SMOC2: variants seen among roughly 807,000 people sequenced by gnomAD.
SMOC2 encodes SPARC-related modular calcium-binding protein 2.
SMOC2 carries 39 observed loss-of-function variants against 61.4 expected under a neutral mutation model. The observed-to-expected ratio is 0.64, with a 90% CI of 0.49 to 0.83. The LOEUF (loss-of-function observed/expected upper bound fraction) is 0.83. Among genes scored for constraint, SMOC2 ranks in the 40% least tolerant of loss-of-function variants. SMOC2 has a pLI of 0.00. For synonymous variants in SMOC2, 247 were observed against 239.9 expected (o/e 1.03, Z -0.27); for missense variants, 556 against 592.9 (o/e 0.94, Z 0.65).
chr6:168,641,052 C>CT (rs35555796), intron 9 of SMOC2, among the ~76,000 whole-genome samples: 2 of 151,538 alleles, frequency 1.3e-5, no homozygotes, highest in Non-Finnish European at 2.9e-5. Flanking sequence ...ATGTTCCAAA[C>CT]TTTTTTTTTC....
intron 8 of SMOC2, among the ~76,000 whole-genome samples, chr6:168,606,187 A>T (rs977933621): frequency 6.6e-6 from 1 of 152,180 alleles, no homozygotes; most frequent in East Asian, 1.9e-4. Flanking sequence ...CCGCAGCAGC[A>T]GCTGCATTAG....
At chr6:168,454,446 C>T (rs1781535743) in intron 1 of SMOC2, among the ~76,000 whole-genome samples, 2 of 152,036 alleles carry the variant, frequency 1.3e-5, no homozygotes, top group South Asian at 4.2e-4. Flanking sequence ...TGAAAATAGC[C>T]CCTCGTAACT....
intron 7 of SMOC2, among the ~76,000 whole-genome samples, chr6:168,580,934 T>C (rs1205228426): frequency 6.6e-6 from 1 of 152,228 alleles, no homozygotes; most frequent in African/African-American, 2.4e-5. Context: ...CGTGTAAATG[T>C]GATGGCAAGC....
chr6:168,470,064 C>A (rs1189393770), intron 1 of SMOC2, among the ~76,000 whole-genome samples: 1 of 152,226 alleles, frequency 6.6e-6, no homozygotes, highest in Non-Finnish European at 1.5e-5. Flanking sequence ...ATCTCCATCA[C>A]AATTGCCCAC....
intron 1 of SMOC2, among the ~76,000 whole-genome samples, chr6:168,468,921 C>T (rs1374479344): frequency 6.6e-6 from 1 of 152,218 alleles, no homozygotes; most frequent in African/African-American, 2.4e-5. Flanking sequence ...GCAGTTTTAT[C>T]CATAATTCTG....
At chr6:168,507,341 C>T (rs918418053) in intron 1 of SMOC2, among the ~76,000 whole-genome samples, 7 of 152,190 alleles carry the variant, frequency 4.6e-5, no homozygotes, top group Middle Eastern at 3.2e-3. Context: ...AACGAAGGCA[C>T]CTGGGGCTCC....
chr6:168,665,196 C>T (rs1002406591), intron 12 of SMOC2: 1 of 165,774 alleles, frequency 6.0e-6, no homozygotes, highest in African/African-American at 2.4e-5. Context: ...ATGCGCTCCA[C>T]GCATCTTAAA....
chr6:168,530,637 ACCCCCC>A (rs3064057), intron 4 of SMOC2, among the ~76,000 whole-genome samples: 1 of 120,190 alleles, frequency 8.3e-6, no homozygotes, highest in African/African-American at 4.1e-5. Context: ...TCACGGTGCA[ACCCCCC>A]CCCCCCCGCC....
chr6:168,547,828 A>G (rs1342283071), intron 6 of SMOC2, among the ~76,000 whole-genome samples: 1 of 151,834 alleles, frequency 6.6e-6, no homozygotes, highest in East Asian at 1.9e-4. Flanking sequence ...GGAGCGAGGG[A>G]TTTTCAGATA....
At chr6:168,655,352 G>GA (rs1447500854) in intron 11 of SMOC2, 1 of 455,306 alleles carries the variant, frequency 2.2e-6, no homozygotes, top group Non-Finnish European at 4.4e-6. Context: ...TTTAACAATT[G>GA]AAAATACTTT....
intron 1 of SMOC2, among the ~76,000 whole-genome samples, chr6:168,456,437 G>A (rs1432898418): frequency 6.6e-6 from 1 of 152,138 alleles, no homozygotes; most frequent in Non-Finnish European, 1.5e-5. Flanking sequence ...AGGCCACAAA[G>A]AGAAACCTCG....
chr6:168,597,457 A>T (rs114655239), intron 7 of SMOC2, among the ~76,000 whole-genome samples: 4 of 152,204 alleles, frequency 2.6e-5, no homozygotes, highest in Non-Finnish European at 5.9e-5. Context: ...AACTGTGTCA[A>T]TATGCCACAC....
intron 1 of SMOC2, among the ~76,000 whole-genome samples, chr6:168,468,894 G>C (rs1781905920): frequency 6.6e-6 from 1 of 152,238 alleles, no homozygotes; most frequent in Non-Finnish European, 1.5e-5. Context: ...TCTTTAAATA[G>C]TGGTTTAATA....
At chr6:168,556,680 G>T (rs907410358) in intron 7 of SMOC2, among the ~76,000 whole-genome samples, 1 of 151,364 alleles carries the variant, frequency 6.6e-6, no homozygotes, top group African/African-American at 2.4e-5. Flanking sequence ...GTGCCATGTT[G>T]TGCTGCACCC....
intron 1 of SMOC2, among the ~76,000 whole-genome samples, chr6:168,463,295 C>T (rs150440657): frequency 1.1e-3 from 161 of 152,238 alleles, no homozygotes; most frequent in African/African-American, 3.7e-3. Flanking sequence ...CTGGCTGTGG[C>T]GAAATCAAGG....
rs1781510027 is a variant in SMOC2 at position 168,453,476 on chromosome 6, T to G, written c.84+12022T>G. Among the ~76,000 whole-genome samples the G allele has an allele frequency of 6.6e-6, 1 of 152,134 alleles. No individual in the cohort carries two copies. The highest frequency in any genetic ancestry group is 1.5e-5 in the Non-Finnish European group (1 of 68,028). ...TCTCTGTGTGTCTCTCAGTTCTGTC[T>G]CTCAGTTTCTGCCATTCTCTCGCTC... On this transcript the variant is annotated intron_variant, in intron 1 of 12. Transcript: ENST00000356284. The surrounding 1 kb of genome is among the most constrained non-coding windows in gnomAD (Gnocchi z 4.4).
chr6:168,570,240 A>T (rs1255295750), intron 7 of SMOC2, among the ~76,000 whole-genome samples: 1 of 152,138 alleles, frequency 6.6e-6, no homozygotes, highest in South Asian at 2.1e-4. Context: ...ACTAAAGGTG[A>T]CTAGAAAAAA....
Position 168,443,056 on chromosome 6 carries a change from G to A in SMOC2, c.84+1602G>A, listed in dbSNP as rs139846725. Among the ~76,000 whole-genome samples, 576 of 152,324 alleles carry A rather than the reference G, an allele frequency of 3.8e-3. 2 individuals carry two copies. Among genetic ancestry groups the A allele is most frequent in the African/African-American group, 0.013 (555 of 41,554 alleles). On this transcript the variant is annotated intron_variant, in intron 1 of 12. Transcript: ENST00000356284. ...CCACATACTCTTAAAGCACACTAGA[G>A]GAGACAGAGAAACTAAGGCCAATTC...
chr6:168,591,141 G>T (rs1785172587), intron 7 of SMOC2, among the ~76,000 whole-genome samples: 1 of 152,230 alleles, frequency 6.6e-6, no homozygotes, highest in Admixed American at 6.5e-5. Context: ...AAGTAAATTG[G>T]AATGGGAATC....
Sources: allele counts gnomAD v4.1 joint callset (sites outside exome capture counted in the v4.1 genomes callset), GRCh38; gene constraint gnomAD v4.1.1; non-coding constraint Gnocchi (gnomAD v3.1); transcripts MANE v1.5; gene names NCBI Gene and HGNC (gene_info 2026-07-23, HGNC 2026-07-21).